The following PTPRD variants were observed in gnomAD, a reference collection of about 807,000 sequenced individuals.
PTPRD encodes receptor-type tyrosine-protein phosphatase delta.
A neutral mutation model predicts 214.5 loss-of-function variants in PTPRD; 34 were observed. That is an observed-to-expected ratio of 0.16 (90% CI 0.12 to 0.21). The LOEUF (loss-of-function observed/expected upper bound fraction) is 0.21, where lower values mean the gene tolerates loss of function less well. Ranked by LOEUF, PTPRD falls within the 10% of genes least tolerant of loss-of-function variation. The pLI is 1.00. For synonymous variants in PTPRD, 1,128 were observed against 845.7 expected (o/e 1.33, Z -5.79); for missense variants, 2,545 against 2,398.7 (o/e 1.06, Z -1.27).
intron 2 of PTPRD, among the ~76,000 whole-genome samples, chr9:10,348,511 G>A (rs2097128418): frequency 6.6e-6 from 1 of 152,148 alleles, no homozygotes; most frequent in Admixed American, 6.5e-5. Flanking sequence ...AAGCAAGGAT[G>A]CAGCCTCTGA....
At chr9:9,784,361 C>A (rs568485426) in intron 5 of PTPRD, among the ~76,000 whole-genome samples, 4 of 152,058 alleles carry the variant, frequency 2.6e-5, no homozygotes, top group African/African-American at 4.8e-5. Context: ...TTTTATTTAA[C>A]CTTGCAAGCT....
chr9:9,943,040 T>G (rs16930650), intron 4 of PTPRD, among the ~76,000 whole-genome samples: 5 of 152,098 alleles, frequency 3.3e-5, no homozygotes, highest in African/African-American at 1.2e-4. Flanking sequence ...GGGCAAAAGC[T>G]GATAGTGGAT....
chr9:9,296,212 C>T (rs1329408934), intron 9 of PTPRD, among the ~76,000 whole-genome samples: 1 of 151,728 alleles, frequency 6.6e-6, no homozygotes, highest in African/African-American at 2.4e-5. Context: ...TGAACTTGTA[C>T]TCATATTACA....
At chr9:8,946,808 G>T (rs35445760) in intron 11 of PTPRD, among the ~76,000 whole-genome samples, 41,148 of 151,760 alleles carry the variant, frequency 0.27, 5,813 homozygotes, top group East Asian at 0.33. Flanking sequence ...GTGACCCTTT[G>T]TCCCTTTTTT....
At chr9:9,746,217 A>C (rs1000272226) in intron 6 of PTPRD, among the ~76,000 whole-genome samples, 15 of 152,264 alleles carry the variant, frequency 9.9e-5, no homozygotes, top group African/African-American at 3.6e-4. Flanking sequence ...AGGGTAAGCT[A>C]AGCACATATA....
Position 9,561,398 on chromosome 9 carries a change from C to T in PTPRD, c.-237+13334G>A, listed in dbSNP as rs142273323. On this transcript the variant is annotated intron_variant, in intron 8 of 45. Coordinates refer to ENST00000381196, the MANE Select transcript of PTPRD (RefSeq NM_002839.4). ...GGGCACATGTTCTCAGGACTTCTTG[C>T]AACTGTGCCTCACGTATTGGTCACG... 4.1e-4 allele frequency among the ~76,000 whole-genome samples: 62 copies of T among 152,310 alleles called. 1 individual carries two copies. The highest frequency in any genetic ancestry group is 1.5e-3 in the African/African-American group (61 of 41,582).
chr9:9,350,825 T>C (rs10119801), intron 9 of PTPRD, among the ~76,000 whole-genome samples: 1 of 152,048 alleles, frequency 6.6e-6, no homozygotes, highest in African/African-American at 2.4e-5. Flanking sequence ...CATGTTAAAG[T>C]AGTAAAAGGA....
chr9:9,461,720 T>C (rs1421496866), intron 8 of PTPRD, among the ~76,000 whole-genome samples: 1 of 152,088 alleles, frequency 6.6e-6, no homozygotes, highest in Non-Finnish European at 1.5e-5. Flanking sequence ...AACCTCTATG[T>C]TAGGAATTTA....
intron 14 of PTPRD, among the ~76,000 whole-genome samples, chr9:8,621,653 C>CT (rs1369338736): frequency 8.4e-4 from 128 of 151,864 alleles, no homozygotes; most frequent in Non-Finnish European, 1.6e-3. Context: ...TGCTATTGAG[C>CT]CAGTGAGTGT....
intron 14 of PTPRD, among the ~76,000 whole-genome samples, chr9:8,550,475 C>T (rs2081703547): frequency 6.6e-6 from 1 of 151,844 alleles, no homozygotes; most frequent in African/African-American, 2.4e-5. Flanking sequence ...AATTAGTTGC[C>T]CTGAAATATT....
intron 8 of PTPRD, among the ~76,000 whole-genome samples, chr9:9,517,436 C>T (rs554144612): frequency 1.1e-4 from 16 of 152,106 alleles, no homozygotes; most frequent in African/African-American, 1.4e-4. Context: ...AACACTGAGA[C>T]GAGGAAAAGC....
At chr9:8,740,502 T>G (rs371400330) in intron 11 of PTPRD, among the ~76,000 whole-genome samples, 97 of 152,222 alleles carry the variant, frequency 6.4e-4, no homozygotes, top group African/African-American at 2.2e-3. Flanking sequence ...AAAGCTTTAA[T>G]GTCAATTACG....
At chr9:8,350,792 A>C (rs1348130901) in intron 39 of PTPRD, among the ~76,000 whole-genome samples, 1 of 152,190 alleles carries the variant, frequency 6.6e-6, no homozygotes, top group Non-Finnish European at 1.5e-5. Context: ...AAAATGAAAA[A>C]AAATTGAACA....
chr9:9,498,559 C>T (rs1194493013), intron 8 of PTPRD, among the ~76,000 whole-genome samples: 3 of 151,988 alleles, frequency 2.0e-5, no homozygotes, highest in East Asian at 1.9e-4. Context: ...CTTGTTTGGC[C>T]TTTAGTGGCA....
chr9:9,641,483 T>C (rs574173735), intron 7 of PTPRD, among the ~76,000 whole-genome samples: 87 of 152,246 alleles, frequency 5.7e-4, no homozygotes, highest in African/African-American at 2.0e-3. Context: ...CCGCTAGAAA[T>C]GATAAGAGGC....
rs767921317 is a variant in PTPRD, at chr9:10,301,830, A to T, written c.-545+39133T>A. Among the ~76,000 whole-genome samples, 11 of 152,340 alleles carry T rather than the reference A, an allele frequency of 7.2e-5. No individual in the cohort carries two copies. In the South Asian group the frequency reaches 1.9e-3, roughly 26 times the overall value. On this transcript the variant is annotated intron_variant, in intron 3 of 45. Coordinates refer to ENST00000381196, the MANE Select transcript of PTPRD (RefSeq NM_002839.4). ...TGAAAGTGATGAGGAGAAAGTAAAC[A>T]AGTTGGAAAACACTCTTCAGGGTAT...
At chr9:8,704,571 T>C (rs910681025) in intron 12 of PTPRD, among the ~76,000 whole-genome samples, 9 of 152,138 alleles carry the variant, frequency 5.9e-5, no homozygotes, top group African/African-American at 1.9e-4. Context: ...AGTGAGGTGA[T>C]GTGTATGAAA....
intron 12 of PTPRD, among the ~76,000 whole-genome samples, chr9:8,670,922 A>G (rs2154363212): frequency 6.6e-6 from 1 of 152,300 alleles, no homozygotes; most frequent in East Asian, 1.9e-4. Flanking sequence ...AGGAAGACAG[A>G]TTGAAGGGAA....
chr9:8,469,694 C>T (rs1009868489), intron 31 of PTPRD, among the ~76,000 whole-genome samples: 1 of 152,002 alleles, frequency 6.6e-6, no homozygotes, highest in African/African-American at 2.4e-5. Context: ...TATAACATAT[C>T]TAAATTACTT....
Sources: allele counts gnomAD v4.1 joint callset (sites outside exome capture counted in the v4.1 genomes callset), GRCh38; gene constraint gnomAD v4.1.1; transcripts MANE v1.5; gene names NCBI Gene and HGNC (gene_info 2026-07-23, HGNC 2026-07-21).